Variants in CADPS observed in about 807,000 individuals in gnomAD.
CADPS encodes calcium-dependent secretion activator 1.
A neutral mutation model predicts 167.3 loss-of-function variants in CADPS; 57 were observed. The observed-to-expected ratio is 0.34, with a 90% CI of 0.28 to 0.42. The LOEUF is 0.42. Among genes scored for constraint, CADPS ranks in the 20% least tolerant of loss-of-function variants. The pLI is 1.00. For missense variants in CADPS, 1,414 were observed against 1,738.1 expected (o/e 0.81, Z 3.32); for synonymous variants, 676 against 635.3 (o/e 1.06, Z -0.96).
Position 62,600,779 on chromosome 3 carries a change from C to A in CADPS, c.1326-8031G>T, listed in dbSNP as rs139513037. Among the ~76,000 whole-genome samples, 222 of 152,292 alleles carry A rather than the reference C, an allele frequency of 1.5e-3. 1 individual carries two copies. The highest frequency in any genetic ancestry group is 5.0e-3 in the African/African-American group (209 of 41,560). On this transcript the variant is annotated intron_variant, in intron 6 of 29. Transcript: ENST00000383710. Reference sequence around the variant, plus strand: ...ACACTTATAACGTGTGAGAGTGTCTCAGCTTTCACATCTATAAATTGGGGA... The same window carrying A: ...ACACTTATAACGTGTGAGAGTGTCTAAGCTTTCACATCTATAAATTGGGGA...
chr3:62,525,935 A>G (rs371709704), intron 13 of CADPS, among the ~76,000 whole-genome samples: 4 of 152,246 alleles, frequency 2.6e-5, no homozygotes, highest in East Asian at 1.9e-4. Context: ...ATAGAGACCT[A>G]AACTATGGTA....
chr3:62,666,632 T>C (rs1261782670), intron 3 of CADPS, among the ~76,000 whole-genome samples: 1 of 152,196 alleles, frequency 6.6e-6, no homozygotes, highest in Non-Finnish European at 1.5e-5. Context: ...TGTGTGGTTG[T>C]TTTGACTTGT....
At chr3:62,863,613 CAGGAA>C (rs1320486001) in intron 1 of CADPS, among the ~76,000 whole-genome samples, 17 of 152,034 alleles carry the variant, frequency 1.1e-4, no homozygotes, top group Non-Finnish European at 2.1e-4. Context: ...AGGGTGTGTG[CAGGAA>C]AACTGAAGTA....
At chr3:62,746,646 C>T (rs989767589) in intron 3 of CADPS, among the ~76,000 whole-genome samples, 3 of 152,102 alleles carry the variant, frequency 2.0e-5, no homozygotes, top group Non-Finnish European at 4.4e-5. Flanking sequence ...CCAGGTGATC[C>T]TTTTAACAGT....
intron 1 of CADPS, among the ~76,000 whole-genome samples, chr3:62,831,582 C>G (rs304182): frequency 0.84 from 127,862 of 152,130 alleles, 53,941 homozygotes; most frequent in Middle Eastern, 0.91. Flanking sequence ...TTCAGTATAA[C>G]GAAACACAGG....
In CADPS at chr3:62,770,867, T is replaced by C. The variant is rs1222395668; in HGVS notation, c.442-4883A>G. Reference sequence around the variant, plus strand: ...CAAAAGTGACCACCAGCCTGACTTCTATTATCACAGATGAGTGTTGCCTGT... The same window carrying C: ...CAAAAGTGACCACCAGCCTGACTTCCATTATCACAGATGAGTGTTGCCTGT... On this transcript the variant is annotated intron_variant, in intron 1 of 29. Coordinates refer to ENST00000383710, the MANE Select transcript of CADPS (RefSeq NM_003716.4). Among the ~76,000 whole-genome samples, 5 of 152,210 alleles carry C rather than the reference T, an allele frequency of 3.3e-5. No individual in the cohort carries two copies. The East Asian group carries it at 9.6e-4, about 29-fold the overall frequency.
chr3:62,825,570 C>T (rs1414739307), intron 1 of CADPS, among the ~76,000 whole-genome samples: 2 of 152,172 alleles, frequency 1.3e-5, no homozygotes, highest in Non-Finnish European at 2.9e-5. Context: ...TTATCTCCAT[C>T]TCCAATCCCT....
intron 4 of CADPS, among the ~76,000 whole-genome samples, chr3:62,655,051 C>A (rs2071202175): frequency 6.6e-6 from 1 of 152,072 alleles, no homozygotes; most frequent in Non-Finnish European, 1.5e-5. Context: ...TTCTATCTAG[C>A]AAAATATTGG....
chr3:62,779,544 T>C (rs1477144140), intron 1 of CADPS: 6 of 534,714 alleles, frequency 1.1e-5, no homozygotes, highest in East Asian at 5.3e-5. Flanking sequence ...CCATTTTGTA[T>C]TGTCTGCCCT....
intron 3 of CADPS, among the ~76,000 whole-genome samples, chr3:62,702,099 C>T (rs567235167): frequency 5.3e-5 from 8 of 152,058 alleles, no homozygotes; most frequent in African/African-American, 1.5e-4. Flanking sequence ...CATATCCTCG[C>T]CTTTTCCCCT....
chr3:62,468,564 G>T (rs1303974851), intron 24 of CADPS, among the ~76,000 whole-genome samples: 1 of 152,166 alleles, frequency 6.6e-6, no homozygotes, highest in Admixed American at 6.5e-5. Flanking sequence ...CTCTTCAGGA[G>T]CTAGAAACTT....
chr3:62,683,042 T>G (rs1342683353), intron 3 of CADPS, among the ~76,000 whole-genome samples: 1 of 152,040 alleles, frequency 6.6e-6, no homozygotes, highest in Non-Finnish European at 1.5e-5. Flanking sequence ...GAGGAAATGT[T>G]GGAAGCAGGT....
chr3:62,850,128 C>T (rs2153095266), intron 1 of CADPS, among the ~76,000 whole-genome samples: 2 of 118,962 alleles, frequency 1.7e-5, no homozygotes, highest in East Asian at 4.2e-4. Context: ...GTGGTATCCC[C>T]TTTATCATTT....
intron 17 of CADPS, among the ~76,000 whole-genome samples, chr3:62,512,157 C>G (rs1172157256): frequency 1.3e-5 from 2 of 152,120 alleles, no homozygotes; most frequent in African/African-American, 4.8e-5. Context: ...AGTCAGACTT[C>G]TCCTCAAAAT....
chr3:62,409,352 T>C lies in CADPS; in HGVS notation c.3778-6167A>G, dbSNP rs557276439. 2.6e-5 allele frequency among the ~76,000 whole-genome samples: 4 copies of C among 152,378 alleles called. No homozygotes were observed. The East Asian group carries it at 7.7e-4, about 29-fold the overall frequency. On this transcript the variant is annotated intron_variant, in intron 28 of 29. Coordinates refer to ENST00000383710, the MANE Select transcript of CADPS (RefSeq NM_003716.4). Reference sequence around the variant, plus strand: ...TTCAGCTTTGAAGTTCTCAAAGAAGTGTGTGGGTAGGACAACGCTGTTGAA... The same window carrying C: ...TTCAGCTTTGAAGTTCTCAAAGAAGCGTGTGGGTAGGACAACGCTGTTGAA...
At chr3:62,617,386 A>T (rs2062483524) in intron 6 of CADPS, among the ~76,000 whole-genome samples, 2 of 152,268 alleles carry the variant, frequency 1.3e-5, no homozygotes, top group Admixed American at 1.3e-4. Context: ...TATATTGGAG[A>T]TGGGAAGTTG....
At position 62,438,628 on chromosome 3, in the gene CADPS, A is replaced by G. The variant is rs991180437; in HGVS notation, c.3670-417T>C. 6.1e-6 allele frequency: 1 copy of G among 163,118 alleles called. No individual in the cohort carries two copies. Among genetic ancestry groups the G allele is most frequent in the Non-Finnish European group, 1.3e-5 (1 of 75,678 alleles). The allele number at this position is 163,118 out of a possible 1,614,324, so 10.1% of individuals were successfully genotyped here. On this transcript the variant is annotated intron_variant, in intron 27 of 29. Coordinates refer to ENST00000383710, the MANE Select transcript of CADPS (RefSeq NM_003716.4). This position sits in a 1 kb window ranked among gnomAD's most constrained non-coding sequence, Gnocchi z 4.7. Reference sequence around the variant, plus strand: ...TATCAGACGGGTGATGGAACTTCCCATTCCTTTTTCCTCTTTTAAAATATT... The same window carrying G: ...TATCAGACGGGTGATGGAACTTCCCGTTCCTTTTTCCTCTTTTAAAATATT...
chr3:62,823,162 A>ATG (rs1487184369), intron 1 of CADPS, among the ~76,000 whole-genome samples: 1 of 152,198 alleles, frequency 6.6e-6, no homozygotes, highest in Non-Finnish European at 1.5e-5. Flanking sequence ...AGAAAACAGA[A>ATG]TGTGTGTGTT....
chr3:62,784,608 A>G (rs1459583561), intron 1 of CADPS, among the ~76,000 whole-genome samples: 1 of 152,210 alleles, frequency 6.6e-6, no homozygotes, highest in Admixed American at 6.5e-5. Context: ...TCAAATATTA[A>G]TGTGATAATC....
Sources: gnomAD v4.1 joint callset for allele counts (sites outside exome capture counted in the v4.1 genomes callset) on GRCh38, gnomAD v4.1.1 for gene constraint, Gnocchi (gnomAD v3.1) non-coding constraint, MANE v1.5 for transcripts, NCBI Gene and HGNC (gene_info 2026-07-23, HGNC 2026-07-21) for gene names.